ETV6: variants seen among roughly 807,000 people sequenced by gnomAD.
ETV6 encodes transcription factor ETV6.
A neutral mutation model predicts 51.1 loss-of-function variants in ETV6; 16 were observed. The observed-to-expected ratio is 0.31, with a 90% confidence interval of 0.21 to 0.48. The LOEUF is 0.48. Among genes scored for constraint, ETV6 ranks in the 20% least tolerant of loss-of-function variants. The pLI is 0.99. For missense variants in ETV6, 458 were observed against 594.8 expected (o/e 0.77, Z 2.39); for synonymous variants, 240 against 224.1 (o/e 1.07, Z -0.64).
intron 2 of ETV6, among the ~76,000 whole-genome samples, chr12:11,766,090 G>A (rs933184566): frequency 2.6e-5 from 4 of 152,174 alleles, no homozygotes; most frequent in Non-Finnish European, 5.9e-5. Context: ...GGCCAGGGTC[G>A]GTTTCGGTGG....
intron 5 of ETV6, among the ~76,000 whole-genome samples, chr12:11,875,572 T>C (rs899742103): frequency 1.3e-5 from 2 of 152,198 alleles, no homozygotes; most frequent in Non-Finnish European, 2.9e-5. Context: ...ACTGTAGTCA[T>C]CCGTGAGTCA....
chr12:11,854,970 A>G (rs2136495448), intron 4 of ETV6, among the ~76,000 whole-genome samples: 2 of 152,148 alleles, frequency 1.3e-5, no homozygotes, highest in Middle Eastern at 6.8e-3. Flanking sequence ...TAGTTCCAGA[A>G]TAGGTGTTGG....
chr12:11,740,989 G>T (rs763792928), intron 1 of ETV6, among the ~76,000 whole-genome samples: 1 of 152,156 alleles, frequency 6.6e-6, no homozygotes, highest in African/African-American at 2.4e-5. Flanking sequence ...TGACTCGTGG[G>T]TGTATTAGGA....
rs148969955 is a variant in ETV6, at chr12:11,764,353, T to C, written c.163+11774T>C. Among the ~76,000 whole-genome samples the C allele has an allele frequency of 2.7e-3, 407 of 152,312 alleles. 7 individuals are homozygous for C. The highest frequency in any genetic ancestry group is 0.022 in the East Asian group (116 of 5,188). On this transcript the variant is annotated intron_variant, in intron 2 of 7. Transcript: ENST00000396373. ...AGACAAAACATTGTGAGCCTGGAGC[T>C]CTGAGGCCAGGATGAGCAGTCTGCT...
At chr12:11,889,816 G>T (rs117034543) in intron 7 of ETV6, among the ~76,000 whole-genome samples, 1 of 152,208 alleles carries the variant, frequency 6.6e-6, no homozygotes, top group Non-Finnish European at 1.5e-5. Flanking sequence ...GCTTTTGCAT[G>T]TGGAGGAATG....
At chr12:11,797,890 G>T (rs1168369466) in intron 2 of ETV6, among the ~76,000 whole-genome samples, 1 of 152,166 alleles carries the variant, frequency 6.6e-6, no homozygotes, top group Non-Finnish European at 1.5e-5. Flanking sequence ...TAGTTCCGTG[G>T]TTCTTGTAGG....
chr12:11,761,217 AT>A (rs554023975), intron 2 of ETV6, among the ~76,000 whole-genome samples: 1 of 151,546 alleles, frequency 6.6e-6, no homozygotes, highest in Non-Finnish European at 1.5e-5. Flanking sequence ...TAACAGGCTG[AT>A]TTTTTTTTCC....
At chr12:11,655,951 C>T (rs1358728053) in intron 1 of ETV6, among the ~76,000 whole-genome samples, 2 of 152,286 alleles carry the variant, frequency 1.3e-5, no homozygotes, top group African/African-American at 4.8e-5. Flanking sequence ...GTTTTAGTGG[C>T]CGTTGTTCTA....
intron 2 of ETV6, among the ~76,000 whole-genome samples, chr12:11,819,909 C>A (rs1946051599): frequency 6.6e-6 from 1 of 152,160 alleles, no homozygotes; most frequent in Non-Finnish European, 1.5e-5. Context: ...TTATGTTACG[C>A]CCTTGTTTAA....
intron 1 of ETV6, among the ~76,000 whole-genome samples, chr12:11,671,275 C>T (rs1864308653): frequency 6.6e-6 from 1 of 152,174 alleles, no homozygotes; most frequent in African/African-American, 2.4e-5. Flanking sequence ...CTGTACAATG[C>T]TTTGGGTCTC....
intron 1 of ETV6, among the ~76,000 whole-genome samples, chr12:11,736,662 T>C (rs1483454416): frequency 6.6e-6 from 1 of 152,144 alleles, no homozygotes; most frequent in African/African-American, 2.4e-5. Flanking sequence ...TCCAGGAACT[T>C]GGAACATACT....
chr12:11,665,904 G>C (rs1864185568), intron 1 of ETV6, among the ~76,000 whole-genome samples: 1 of 152,330 alleles, frequency 6.6e-6, no homozygotes, highest in African/African-American at 2.4e-5. Context: ...GATAGCTGGA[G>C]AAGAAGCTTG....
intron 2 of ETV6, among the ~76,000 whole-genome samples, chr12:11,797,887 G>A (rs575885344): frequency 6.6e-5 from 10 of 152,320 alleles, no homozygotes; most frequent in African/African-American, 1.4e-4. Context: ...TTTTAGTTCC[G>A]TGGTTCTTGT....
chr12:11,870,519 C>T (rs1436507756), intron 5 of ETV6, among the ~76,000 whole-genome samples: 1 of 152,078 alleles, frequency 6.6e-6, no homozygotes, highest in Non-Finnish European at 1.5e-5. Context: ...ATAAGAAGCC[C>T]AAATTTGCTT....
intron 4 of ETV6, among the ~76,000 whole-genome samples, chr12:11,866,770 C>G (rs1378812924): frequency 6.6e-6 from 1 of 152,222 alleles, no homozygotes; most frequent in African/African-American, 2.4e-5. Flanking sequence ...GATTATACAA[C>G]TGTTGCTTTT....
intron 5 of ETV6, among the ~76,000 whole-genome samples, chr12:11,871,871 CTG>C (rs1946885828): frequency 1.3e-5 from 2 of 152,008 alleles, no homozygotes; most frequent in Admixed American, 6.6e-5. Context: ...AAAAATAAAA[CTG>C]GGGAAAAAAA....
chr12:11,680,640 C>T (rs1864509436), intron 1 of ETV6, among the ~76,000 whole-genome samples: 1 of 152,164 alleles, frequency 6.6e-6, no homozygotes, highest in South Asian at 2.1e-4. Context: ...GATGAACTGT[C>T]CCTATTTCAC....
At chr12:11,718,459 C>T (rs1865320813) in intron 1 of ETV6, among the ~76,000 whole-genome samples, 1 of 152,044 alleles carries the variant, frequency 6.6e-6, no homozygotes, top group African/African-American at 2.4e-5. Flanking sequence ...ATAGCCACAG[C>T]AGAGCATTAA....
At chr12:11,809,225 CAG>C (rs1230032605) in intron 2 of ETV6, among the ~76,000 whole-genome samples, 2 of 143,398 alleles carry the variant, frequency 1.4e-5, no homozygotes, top group Non-Finnish European at 1.5e-5. Flanking sequence ...CATGATGAAA[CAG>C]AGGAAAAAAA....
Sources: gnomAD v4.1 joint callset for allele counts (sites outside exome capture counted in the v4.1 genomes callset) on GRCh38, gnomAD v4.1.1 for gene constraint, MANE v1.5 for transcripts, NCBI Gene and HGNC (gene_info 2026-07-23, HGNC 2026-07-21) for gene names.